Variants in CYFIP2 observed in about 807,000 individuals in gnomAD.
CYFIP2 encodes cytoplasmic FMR1-interacting protein 2.
Under a neutral mutation model 158.7 loss-of-function variants are expected in CYFIP2, and 29 were observed. The observed-to-expected ratio is 0.18, with a 90% CI of 0.14 to 0.25. The LOEUF (loss-of-function observed/expected upper bound fraction) is 0.25. Among genes scored for constraint, CYFIP2 ranks in the 10% least tolerant of loss-of-function variants. The pLI is 1.00. For synonymous variants in CYFIP2, 585 were observed against 617.6 expected (o/e 0.95, Z 0.78); for missense variants, 852 against 1,639.5 (o/e 0.52, Z 8.29).
intron 13 of CYFIP2, among the ~76,000 whole-genome samples, chr5:157,317,131 C>T (rs910543579): frequency 2.0e-5 from 3 of 151,858 alleles, no homozygotes; most frequent in East Asian, 1.9e-4. Flanking sequence ...AAGATGCTCC[C>T]GCAACCCACT....
intron 8 of CYFIP2, among the ~76,000 whole-genome samples, chr5:157,307,543 A>G (rs1408770164): frequency 1.3e-5 from 2 of 152,180 alleles, no homozygotes; most frequent in African/African-American, 4.8e-5. Flanking sequence ...CTGCTGTAGT[A>G]ATACACTAAA....
chr5:157,275,068 C>T (rs1756437049), intron 1 of CYFIP2, among the ~76,000 whole-genome samples: 1 of 152,164 alleles, frequency 6.6e-6, no homozygotes, highest in East Asian at 1.9e-4. Context: ...CCACTGTGCC[C>T]AGCCAAGAAT....
At chr5:157,318,394 T>C (rs1328082236) in intron 13 of CYFIP2, among the ~76,000 whole-genome samples, 2 of 152,204 alleles carry the variant, frequency 1.3e-5, no homozygotes, top group Non-Finnish European at 2.9e-5. Flanking sequence ...CCTTCCTTTT[T>C]CCTAATGTCT....
In CYFIP2 at chr5:157,300,933, A is replaced by G. The variant is rs374139112; in HGVS notation, c.569+37A>G. 3.5e-5 allele frequency: 52 copies of G among 1,497,226 alleles called. No individual in the cohort carries two copies. The African/African-American group carries it at 6.3e-4, about 18-fold the overall frequency. The allele number at this position is 1,497,226 out of a possible 1,614,324, so 92.7% of individuals were successfully genotyped here. ...CTCCCCCTCTCCCCTTTCCCCATCC[A>G]GGCCCCTCCTCCAGGGCTGCCTGTC... On this transcript the variant is annotated intron_variant, in intron 6 of 30. Coordinates refer to ENST00000620254, the MANE Select transcript of CYFIP2 (RefSeq NM_001037333.3).
At chr5:157,289,030 C>A (rs1757617788) in intron 3 of CYFIP2, among the ~76,000 whole-genome samples, 1 of 152,126 alleles carries the variant, frequency 6.6e-6, no homozygotes, top group Admixed American at 6.5e-5. Flanking sequence ...TTTATAACAG[C>A]CCTGTGACTT....
intron 19 of CYFIP2, among the ~76,000 whole-genome samples, chr5:157,329,358 T>G (rs192120153): frequency 6.6e-6 from 1 of 152,224 alleles, no homozygotes; most frequent in African/African-American, 2.4e-5. Context: ...ATAAACAGAC[T>G]CAGGCGTGTC....
At chr5:157,391,267 G>C (rs747867795) in intron 30 of CYFIP2, among the ~76,000 whole-genome samples, 2 of 152,110 alleles carry the variant, frequency 1.3e-5, no homozygotes, top group Non-Finnish European at 1.5e-5. Context: ...GGAGAGAGAG[G>C]TAAGAGCCAC....
At chr5:157,308,999 G>T (rs2113020666) in intron 9 of CYFIP2, among the ~76,000 whole-genome samples, 1 of 152,282 alleles carries the variant, frequency 6.6e-6, no homozygotes, top group South Asian at 2.1e-4. Context: ...TTCCCTGGAG[G>T]ATTCAGTGGG....
rs1236728934 is a variant in CYFIP2 at position 157,394,404 on chromosome 5, C to T, written c.*1404C>T. ...AAGTAAGATGGTTAGCAATGGTTGC[C>T]TTAATCAAATGGTCCCATTTTTAAC... is the stretch of plus-strand genomic sequence containing the variant. On this transcript the variant is annotated 3_prime_UTR_variant, in exon 31 of 31. Transcript: ENST00000620254. 2 of 152,128 alleles carry T rather than the reference C, an allele frequency of 1.3e-5. No individual in the cohort carries two copies. The highest frequency in any genetic ancestry group is 2.4e-5 in the African/African-American group (1 of 41,412). 9.4% of individuals were successfully genotyped at this position (152,128 alleles called of 1,614,324 possible).
chr5:157,302,763 C>A (rs1281683544), intron 6 of CYFIP2, 31 bp from the exon 7 acceptor site: 1 of 1,541,906 alleles, frequency 6.5e-7, no homozygotes, highest in Non-Finnish European at 8.8e-7. Context: ...TTGGACAGTC[C>A]TCTCTGCAGC....
At chr5:157,332,196 C>T (rs1225329297) in intron 20 of CYFIP2, among the ~76,000 whole-genome samples, 1 of 152,184 alleles carries the variant, frequency 6.6e-6, no homozygotes, top group Non-Finnish European at 1.5e-5. Context: ...CTGAGTGAAT[C>T]GTATTTTTCC....
intron 1 of CYFIP2, among the ~76,000 whole-genome samples, chr5:157,275,908 T>C (rs1467622795): frequency 6.6e-6 from 1 of 152,236 alleles, no homozygotes. Context: ...TTTTTGATGC[T>C]ACTATAAATA....
At chr5:157,335,590 A>G (rs563353751) in intron 21 of CYFIP2, among the ~76,000 whole-genome samples, 15 of 152,324 alleles carry the variant, frequency 9.8e-5, no homozygotes, top group African/African-American at 3.6e-4. Flanking sequence ...TATGGAAAAA[A>G]GATGAGAGAA....
Position 157,361,721 on chromosome 5 carries a change from C to A in CYFIP2, c.3039+123C>A. The A allele has an allele frequency of 8.2e-7, 1 of 1,221,876 alleles. No individual in the cohort carries two copies. The highest frequency in any genetic ancestry group is 1.1e-6 in the Non-Finnish European group (1 of 882,094). The allele number at this position is 1,221,876 out of a possible 1,614,324, so 75.7% of individuals were successfully genotyped here. On this transcript the variant is annotated intron_variant, in intron 26 of 30. Transcript: ENST00000620254. The surrounding 1 kb of genome is among the most constrained non-coding windows in gnomAD (Gnocchi z 4.4). The stretch of plus-strand genomic sequence containing the variant: ...TGAGTACAAGCTCACATGCTCTTTT[C>A]AGTTCATTTCCAGACAGACATGGAT...
At chr5:157,323,721 C>G (rs1469581274) in intron 15 of CYFIP2, among the ~76,000 whole-genome samples, 200 bp from the exon 16 acceptor site, 1 of 152,224 alleles carries the variant, frequency 6.6e-6, no homozygotes, top group African/African-American at 2.4e-5. Flanking sequence ...AGGGATGCCA[C>G]GGGGCCCGGG....
intron 29 of CYFIP2, 131 bp from the exon 30 acceptor site, chr5:157,390,390 A>G (rs1767163121): frequency 5.1e-6 from 4 of 777,360 alleles, no homozygotes; most frequent in Admixed American, 3.1e-5. Flanking sequence ...TACCCATTTT[A>G]TAGGTTAAGA....
chr5:157,352,372 C>T (rs1023097134), intron 23 of CYFIP2, among the ~76,000 whole-genome samples: 3 of 152,210 alleles, frequency 2.0e-5, no homozygotes, highest in Non-Finnish European at 2.9e-5. Context: ...CACAGCTCAG[C>T]TGGGTACACA....
chr5:157,323,201 T>A (rs1760744895), intron 15 of CYFIP2, among the ~76,000 whole-genome samples: 1 of 152,196 alleles, frequency 6.6e-6, no homozygotes, highest in Admixed American at 6.5e-5. Context: ...AGGCACCCTG[T>A]AAGCGGGAGT....
At position 157,360,291 on chromosome 5, in the gene CYFIP2, A is replaced by G; in HGVS notation, c.2827A>G (p.Thr943Ala). Reference sequence around the variant, plus strand: ...ACTCTTCTTTTGTCAGCTCCAAGGAACCATTCTCCAGTATGTGAAAACACT... The same window carrying G: ...ACTCTTCTTTTGTCAGCTCCAAGGAGCCATTCTCCAGTATGTGAAAACACT... ...LKIVKSLLQG[T>A]ILQYVKTLIE... The change falls in exon 25 of 31, where the codon ACC becomes GCC. Residue 943 changes from threonine to alanine, a missense_variant. Around this residue, in one of 8 missense-constraint regions of CYFIP2, gnomAD observed 191 missense variants for 311.2 expected, o/e 0.61. Coordinates refer to ENST00000620254, the MANE Select transcript of CYFIP2 (RefSeq NM_001037333.3). The G allele has an allele frequency of 1.2e-6, 2 of 1,613,558 alleles. No homozygotes were observed. Among genetic ancestry groups the G allele is most frequent in the Non-Finnish European group, 1.7e-6 (2 of 1,179,610 alleles).
Sources: gnomAD v4.1 joint callset for allele counts (sites outside exome capture counted in the v4.1 genomes callset) on GRCh38, gnomAD v4.1.1 for gene constraint, gnomAD v4.1.1 regional missense constraint, Gnocchi (gnomAD v3.1) non-coding constraint, MANE v1.5 for transcripts, NCBI Gene and HGNC (gene_info 2026-07-23, HGNC 2026-07-21) for gene names.